The following SEPTIN2 variants were observed in gnomAD, a reference collection of about 807,000 sequenced individuals.
SEPTIN2 encodes the protein septin-2.
SEPTIN2 carries 34 observed loss-of-function variants against 46.5 expected under a neutral mutation model. The observed-to-expected ratio is 0.73, with a 90% confidence interval of 0.56 to 0.97. The LOEUF is 0.97. Ranked by LOEUF, SEPTIN2 falls within the 50% of genes least tolerant of loss-of-function variation. The probability of loss-of-function intolerance (pLI) is 0.00; values close to 1 mark genes in which losing one functional copy is unlikely to be tolerated. For missense variants in SEPTIN2, 347 were observed against 448.4 expected (o/e 0.77, Z 2.04); for synonymous variants, 175 against 153.4 (o/e 1.14, Z -1.04).
intron 3 of SEPTIN2, among the ~76,000 whole-genome samples, chr2:241,328,215 A>G (rs1200645041): frequency 6.6e-6 from 1 of 152,152 alleles, no homozygotes; most frequent in African/African-American, 2.4e-5. Flanking sequence ...CGGGTGGATC[A>G]TTTGAGGTCA....
rs2060848342 is a variant in SEPTIN2, at chr2:241,352,261, T to TCA, written c.*324_*325insCA. ...TACTTAATACTGAATTTCTTTGATT[T>TCA]AACTGACTTAACAACTGACTAACCA... On this transcript the variant is annotated 3_prime_UTR_variant, in exon 13 of 13. Coordinates refer to ENST00000391971, the MANE Select transcript of SEPTIN2 (RefSeq NM_004404.5). 6.5e-6 allele frequency: 1 copy of TCA among 152,676 alleles called. No homozygotes were observed. The highest frequency in any genetic ancestry group is 2.1e-4 in the South Asian group (1 of 4,836). The allele number at this position is 152,676 out of a possible 1,614,324, so 9.5% of individuals were successfully genotyped here. A position where few individuals can be genotyped will look rare whatever the true frequency, so the allele number is the denominator to read the frequency against.
intron 11 of SEPTIN2, among the ~76,000 whole-genome samples, chr2:241,349,591 G>A (rs2150219508): frequency 6.6e-6 from 1 of 152,210 alleles, no homozygotes; most frequent in Admixed American, 6.5e-5. Context: ...GGGAGGCGGA[G>A]GCGGGTGGAT....
chr2:241,337,693 C>T lies in SEPTIN2; in HGVS notation c.497C>T (p.Ala166Val), dbSNP rs748465376. ...FGHGLKPLDV[A>V]FMKAIHNKVN... Reference sequence around the variant, plus strand: ...TTTAGACTTAAGCCCTTAGATGTGGCGTTTATGAAGGCAATACACAACAAG... The same window carrying T: ...TTTAGACTTAAGCCCTTAGATGTGGTGTTTATGAAGGCAATACACAACAAG... The change falls in exon 7 of 13, where the codon GCG becomes GTG. Residue 166 changes from alanine (A) to valine (V), a missense_variant. Physicochemically the swap from Ala to Val is moderately conservative, Grantham distance 64 (BLOSUM62 0). Coordinates refer to ENST00000391971, the MANE Select transcript of SEPTIN2 (RefSeq NM_004404.5). 8 of 1,613,382 alleles carry T rather than the reference C, an allele frequency of 5.0e-6. No homozygotes were observed. The Admixed American group carries it at 1.0e-4, about 20-fold the overall frequency.
chr2:241,329,678 G>A (rs1230136098), intron 3 of SEPTIN2, among the ~76,000 whole-genome samples: 1 of 152,128 alleles, frequency 6.6e-6, no homozygotes, highest in African/African-American at 2.4e-5. Flanking sequence ...TTGTAACCTG[G>A]GTCATTTATA....
chr2:241,331,792 GT>G (rs1279958962), intron 3 of SEPTIN2, among the ~76,000 whole-genome samples: 1 of 152,220 alleles, frequency 6.6e-6, no homozygotes, highest in Non-Finnish European at 1.5e-5. Context: ...AAAGAGCAGA[GT>G]TGGAGGATTA....
intron 1 of SEPTIN2, among the ~76,000 whole-genome samples, chr2:241,318,796 G>A (rs1355511575): frequency 1.3e-5 from 2 of 151,730 alleles, no homozygotes; most frequent in African/African-American, 2.4e-5. Flanking sequence ...CACCTCCCGG[G>A]TTCAAGTGAT....
At chr2:241,321,034 GATA>G (rs1268361262) in intron 1 of SEPTIN2, among the ~76,000 whole-genome samples, 2 of 152,094 alleles carry the variant, frequency 1.3e-5, no homozygotes, top group Admixed American at 1.3e-4. Flanking sequence ...AATTTAAGCA[GATA>G]ATTATTTGAG....
At chr2:241,343,678 TA>T in intron 8 of SEPTIN2, 73 bp from the exon 9 acceptor site, 1 of 1,550,474 alleles carries the variant, frequency 6.4e-7, no homozygotes, top group Non-Finnish European at 8.9e-7. Flanking sequence ...AAGTCTGTGC[TA>T]ATGTTCTCGT....
chr2:241,331,231 A>G (rs1386171590), intron 3 of SEPTIN2, among the ~76,000 whole-genome samples: 1 of 152,214 alleles, frequency 6.6e-6, no homozygotes, highest in Non-Finnish European at 1.5e-5. Flanking sequence ...ATTTTAAGAC[A>G]GTACCACTTA....
Position 241,353,722 on chromosome 2 carries a change from T to G in SEPTIN2, c.*1785T>G, listed in dbSNP as rs377019554. On this transcript the variant is annotated 3_prime_UTR_variant, in exon 13 of 13. Transcript: ENST00000391971. ...CATTTAATAACTTTGCTGGAAAATC[T>G]GTAAAAAAGAAAAACAAGTTTGCTA... The G allele has an allele frequency of 7.2e-5, 11 of 153,166 alleles. No homozygotes were observed. The highest frequency in any genetic ancestry group is 1.9e-4 in the African/African-American group (8 of 41,458). 9.5% of individuals were successfully genotyped at this position (153,166 alleles called of 1,614,324 possible).
chr2:241,335,572 AAGTTCC>A (rs1488459778), intron 4 of SEPTIN2: 3 of 607,498 alleles, frequency 4.9e-6, no homozygotes, highest in Non-Finnish European at 8.7e-6. Flanking sequence ...TACTGTCAGA[AAGTTCC>A]AGCACAGGAC....
intron 1 of SEPTIN2, chr2:241,316,499 G>A (rs1294499863): frequency 1.3e-6 from 2 of 1,510,196 alleles, no homozygotes; most frequent in Non-Finnish European, 1.8e-6. Context: ...AGAGCGACTA[G>A]GCCCTGTCTG....
chr2:241,324,387 T>TA, intron 2 of SEPTIN2, 146 bp downstream of exon 2: 1 of 532,574 alleles, frequency 1.9e-6, no homozygotes, highest in Non-Finnish European at 3.1e-6. Flanking sequence ...AATTTAGTTG[T>TA]CTTTTTTTTT....
At chr2:241,346,280 G>A in intron 10 of SEPTIN2, 31 bp downstream of exon 10, 1 of 1,567,780 alleles carries the variant, frequency 6.4e-7, no homozygotes, top group Non-Finnish European at 8.8e-7. Flanking sequence ...TCTCTGTATT[G>A]TGTCACCCTG....
intron 1 of SEPTIN2, chr2:241,316,406 C>A: frequency 8.7e-7 from 1 of 1,151,576 alleles, no homozygotes; most frequent in Non-Finnish European, 1.2e-6. Context: ...TCTAACGGTG[C>A]CATTTCCTCC....
chr2:241,351,163 T>TA (rs2060757930), intron 12 of SEPTIN2, among the ~76,000 whole-genome samples: 3 of 152,094 alleles, frequency 2.0e-5, no homozygotes, highest in Non-Finnish European at 2.9e-5. Context: ...TTCAACGACA[T>TA]ACGGCAGGGT....
At chr2:241,324,640 C>A (rs1193380093) in intron 2 of SEPTIN2, 2 of 290,888 alleles carry the variant, frequency 6.9e-6, no homozygotes, top group Non-Finnish European at 1.4e-5. Flanking sequence ...CCGCTTTGGC[C>A]CCCCGAAGTG....
intron 4 of SEPTIN2, chr2:241,335,534 A>G: frequency 6.2e-6 from 4 of 650,052 alleles, no homozygotes; most frequent in South Asian, 5.8e-5. Flanking sequence ...TAACTAGAAG[A>G]TTACTAGGAT....
At chr2:241,328,677 G>A (rs1302781779) in intron 3 of SEPTIN2, among the ~76,000 whole-genome samples, 1 of 152,168 alleles carries the variant, frequency 6.6e-6, no homozygotes, top group African/African-American at 2.4e-5. Flanking sequence ...AGGAGGTGGA[G>A]GTTGCAGTGA....
Sources: allele counts gnomAD v4.1 joint callset (sites outside exome capture counted in the v4.1 genomes callset), GRCh38; gene constraint gnomAD v4.1.1; transcripts MANE v1.5; gene names NCBI Gene and HGNC (gene_info 2026-07-23, HGNC 2026-07-21).